SLC12A1: variants seen among roughly 807,000 people sequenced by gnomAD.
SLC12A1 encodes the protein solute carrier family 12 member 1, also known as Na-K-2Cl cotransporter.
Under a neutral mutation model 130.4 loss-of-function variants are expected in SLC12A1, and 89 were observed. The observed-to-expected ratio is 0.68, with a 90% confidence interval of 0.58 to 0.81. The LOEUF is 0.81. Ranked by LOEUF, SLC12A1 falls within the 40% of genes least tolerant of loss-of-function variation. SLC12A1 has a pLI of 0.00. For missense variants in SLC12A1, 1,310 were observed against 1,336.4 expected (o/e 0.98, Z 0.31); for synonymous variants, 499 against 460.0 (o/e 1.08, Z -1.09).
At chr15:48,218,980 T>C (rs2041163277) in intron 2 of SLC12A1, among the ~76,000 whole-genome samples, 1 of 152,194 alleles carries the variant, frequency 6.6e-6, no homozygotes, top group African/African-American at 2.4e-5. Flanking sequence ...ACTATTGTAA[T>C]GAGAATGGAA....
chr15:48,222,316 C>T (rs924288867), intron 4 of SLC12A1: 3 of 152,062 alleles, frequency 2.0e-5, no homozygotes, highest in African/African-American at 7.2e-5. Context: ...ATTTAACATC[C>T]ATACGTTTGG....
intron 11 of SLC12A1, among the ~76,000 whole-genome samples, chr15:48,245,532 G>A (rs578028993): frequency 2.4e-4 from 37 of 152,258 alleles, no homozygotes; most frequent in African/African-American, 7.0e-4. Flanking sequence ...TTGGTTTTCC[G>A]TTCCTGTGTT....
rs36040985 is a variant in SLC12A1, at chr15:48,288,296, C to T, written c.2762-109C>T. 5.8e-3 allele frequency: 6,761 copies of T among 1,165,890 alleles called. 69 individuals carry two copies. The highest frequency in any genetic ancestry group is 0.028 in the Middle Eastern group (121 of 4,372). The allele number at this position is 1,165,890 out of a possible 1,614,324, so 72.2% of individuals were successfully genotyped here. A position where few individuals can be genotyped will look rare whatever the true frequency, so the allele number is the denominator to read the frequency against. The stretch of plus-strand genomic sequence containing the variant: ...ATAACATTTCTGTGTTCTCCAAAGA[C>T]TATAACTTAATTAAGAGCTATCAAT... On this transcript the variant is annotated intron_variant, in intron 22 of 26. Transcript: ENST00000380993.
Position 48,226,508 on chromosome 15 carries a change from A to T in SLC12A1, c.661A>T (p.Met221Leu). The T allele has an allele frequency of 1.2e-6, 2 of 1,604,740 alleles. No individual in the cohort carries two copies. The highest frequency in any genetic ancestry group is 1.7e-6 in the Non-Finnish European group (2 of 1,176,264). ...LGVLIILLSTMVTSITGLSTS... is the reference protein window; with the variant it reads ...LGVLIILLSTLVTSITGLSTS... ...AGTTCTCATAATTCTTCTTTCCACC[A>T]TGGTAACTTCTATTACTGGGTTGTC... The change falls in exon 5 of 27, where the codon ATG becomes TTG. Residue 221 changes from methionine (M) to leucine (L), a missense_variant. Met to Leu is a conservative substitution (Grantham distance 15, BLOSUM62 2). Transcript: ENST00000380993.
At chr15:48,231,687 T>G (rs12910492) in intron 7 of SLC12A1, among the ~76,000 whole-genome samples, 94,539 of 151,774 alleles carry the variant, frequency 0.62, 33,592 homozygotes, top group Non-Finnish European at 0.8. Flanking sequence ...AATCTGCAAC[T>G]GCTCTATTGT....
At chr15:48,219,263 G>A (rs1220900356) in intron 2 of SLC12A1, among the ~76,000 whole-genome samples, 2 of 152,138 alleles carry the variant, frequency 1.3e-5, no homozygotes, top group African/African-American at 2.4e-5. Flanking sequence ...AAAACTTGTC[G>A]GCCGGGTGTG....
At chr15:48,214,730 T>C (rs925311917) in intron 2 of SLC12A1, among the ~76,000 whole-genome samples, 1 of 152,006 alleles carries the variant, frequency 6.6e-6, no homozygotes, top group Non-Finnish European at 1.5e-5. Context: ...CTTACTGGGA[T>C]TGGTTTTTAG....
At chr15:48,238,045 A>G (rs2041459319) in intron 9 of SLC12A1, among the ~76,000 whole-genome samples, 1 of 152,238 alleles carries the variant, frequency 6.6e-6, no homozygotes, top group Non-Finnish European at 1.5e-5. Context: ...GTTTTTTACT[A>G]TGATCCACGG....
chr15:48,208,379 T>C (rs1597392879), intron 2 of SLC12A1, among the ~76,000 whole-genome samples: 1 of 152,068 alleles, frequency 6.6e-6, no homozygotes, highest in Non-Finnish European at 1.5e-5. Context: ...GCCTGAAGTG[T>C]GGTGGACACT....
intron 17 of SLC12A1, among the ~76,000 whole-genome samples, chr15:48,260,260 A>G (rs1048886154): frequency 1.6e-5 from 2 of 128,318 alleles, no homozygotes; most frequent in African/African-American, 8.1e-5. Flanking sequence ...GCAAGACTCC[A>G]TAATAATAAT....
rs143970466 is a variant in SLC12A1, at chr15:48,244,896, A to C, written c.1444A>C (p.Asn482His). 69 of 1,613,854 alleles carry C rather than the reference A, an allele frequency of 4.3e-5. No individual in the cohort carries two copies. Among genetic ancestry groups the C allele is most frequent in the Non-Finnish European group, 5.8e-5 (69 of 1,179,820 alleles). ...HEPCQYGLMN[N>H]FQVMSMVSGF... ...ACCATGTCAGTACGGGCTGATGAACAATTTCCAGGTTTGAAGCAAAATTCA... is the reference window on the plus strand; with the variant it reads ...ACCATGTCAGTACGGGCTGATGAACCATTTCCAGGTTTGAAGCAAAATTCA... The change falls in exon 11 of 27, where the codon AAT (asparagine) becomes CAT (histidine). Residue 482 changes from asparagine to histidine, a missense_variant. Coordinates refer to ENST00000380993, the MANE Select transcript of SLC12A1 (RefSeq NM_000338.3).
chr15:48,229,936 C>T (rs527515247), intron 6 of SLC12A1, among the ~76,000 whole-genome samples: 5 of 152,262 alleles, frequency 3.3e-5, no homozygotes, highest in African/African-American at 9.6e-5. Flanking sequence ...AATGAGCTTA[C>T]AGTTCACAAG....
In SLC12A1 at chr15:48,247,004, C is replaced by T; in HGVS notation, c.1548C>T (p.Pro516=). The change falls in exon 12 of 27, where the codon CCC becomes CCT. Residue 516 remains proline (P), a synonymous_variant. Transcript: ENST00000380993. ...SSALASLVSA[P]KVFQALCKDN... is the part of the protein sequence containing the mutation. ...CCCTGGCCTCCCTTGTCAGCGCACC[C>T]AAAGTGTTCCAGGTAATACAAGCAC... 1.9e-6 allele frequency: 3 copies of T among 1,612,934 alleles called. No individual in the cohort carries two copies. Among genetic ancestry groups the T allele is most frequent in the Non-Finnish European group, 2.5e-6 (3 of 1,178,974 alleles).
rs1403761087 is a variant in SLC12A1 at position 48,220,663 on chromosome 15, C to T, written c.450C>T (p.Asp150=). 2.5e-6 allele frequency: 4 copies of T among 1,613,386 alleles called. No homozygotes were observed. Among genetic ancestry groups the T allele is most frequent in the Admixed American group, 3.3e-5 (2 of 59,950 alleles). The change falls in exon 3 of 27, where the codon GAC becomes GAT. Residue 150 remains aspartate, a synonymous_variant. Coordinates refer to ENST00000380993, the MANE Select transcript of SLC12A1 (RefSeq NM_000338.3). ...TGGCAGTCACCCCAAGTTCAGCTGA[C>T]AGAGTTGCTAACGGTGATGGGATAC... ...KNVAVTPSSA[D]RVANGDGIPG...
chr15:48,220,139 A>G (rs796670402), intron 2 of SLC12A1, among the ~76,000 whole-genome samples: 1 of 129,418 alleles, frequency 7.7e-6, no homozygotes, highest in African/African-American at 3.8e-5. Flanking sequence ...AGGTAGATAG[A>G]TAGATAGATA....
At chr15:48,218,688 A>T (rs1483748241) in intron 2 of SLC12A1, among the ~76,000 whole-genome samples, 1 of 152,238 alleles carries the variant, frequency 6.6e-6, no homozygotes, top group African/African-American at 2.4e-5. Context: ...AAACCAGTTT[A>T]GACCACTTAA....
At chr15:48,236,182 T>A (rs1479525116) in intron 9 of SLC12A1, among the ~76,000 whole-genome samples, 1 of 151,764 alleles carries the variant, frequency 6.6e-6, no homozygotes, top group East Asian at 1.9e-4. Flanking sequence ...TTATCAACTT[T>A]GGAAGACAAG....
At chr15:48,239,848 G>A (rs1313808222) in intron 9 of SLC12A1, among the ~76,000 whole-genome samples, 4 of 151,188 alleles carry the variant, frequency 2.6e-5, no homozygotes, top group South Asian at 2.1e-4. Flanking sequence ...ATGGGGTTTC[G>A]CCATGTTGGC....
At chr15:48,237,591 G>T (rs1455499530) in intron 9 of SLC12A1, among the ~76,000 whole-genome samples, 1 of 152,060 alleles carries the variant, frequency 6.6e-6, no homozygotes, top group African/African-American at 2.4e-5. Flanking sequence ...GGGCATACAT[G>T]GTCATAATAT....
Sources: gnomAD v4.1 joint callset for allele counts (sites outside exome capture counted in the v4.1 genomes callset) on GRCh38, gnomAD v4.1.1 for gene constraint, MANE v1.5 for transcripts, NCBI Gene and HGNC (gene_info 2026-07-23, HGNC 2026-07-21) for gene names.